Variants in DERA observed in about 807,000 individuals in gnomAD.
The protein encoded by DERA is deoxyribose-phosphate aldolase.
In DERA, 15 loss-of-function variants were observed where a neutral mutation model predicts 41.1. That is an observed-to-expected ratio of 0.37 (90% CI 0.24 to 0.56). The LOEUF is 0.56. DERA is among the 20% of genes least tolerant of loss of function. The pLI, the probability that DERA is intolerant of heterozygous loss-of-function variation, is 0.81. For synonymous variants in DERA, 139 were observed against 137.4 expected (o/e 1.01, Z -0.08); for missense variants, 396 against 403.4 (o/e 0.98, Z 0.16).
In DERA at chr12:15,938,013, C is replaced by T. The variant is rs1212090255; in HGVS notation, c.32-18923C>T. 3.3e-5 allele frequency among the ~76,000 whole-genome samples: 5 copies of T among 152,188 alleles called. No homozygotes were observed. The highest frequency in any genetic ancestry group is 1.2e-4 in the African/African-American group (5 of 41,450). Reference sequence around the variant, plus strand: ...GGAAGCTCTAATATCTTGTTGGCAACATCCAAGTAAATAATTCAACTATCA... The same window carrying T: ...GGAAGCTCTAATATCTTGTTGGCAATATCCAAGTAAATAATTCAACTATCA... On this transcript the variant is annotated intron_variant, in intron 1 of 8. Transcript: ENST00000428559. This position sits in a 1 kb window ranked among gnomAD's most constrained non-coding sequence, Gnocchi z 4.1.
rs567727805 is a variant in DERA at position 16,003,066 on chromosome 12, A to C, written c.637+20630A>C. On this transcript the variant is annotated intron_variant, in intron 6 of 8. Coordinates refer to ENST00000428559, the MANE Select transcript of DERA (RefSeq NM_015954.4). The surrounding 1 kb of genome is among the most constrained non-coding windows in gnomAD (Gnocchi z 4.8). ...GTTCTGAGGGTTAGAAGTCTGAGAT[A>C]AGGTGTGAGCAGGGTTAGTTCCTTC... is the stretch of plus-strand genomic sequence containing the variant. 1.3e-5 allele frequency among the ~76,000 whole-genome samples: 2 copies of C among 152,290 alleles called. No homozygotes were observed. The highest frequency in any genetic ancestry group is 1.3e-4 in the Admixed American group (2 of 15,296).
Position 15,941,346 on chromosome 12 carries a change from G to A in DERA, c.32-15590G>A, listed in dbSNP as rs1244286210. 6.6e-5 allele frequency among the ~76,000 whole-genome samples: 10 copies of A among 152,104 alleles called. No individual in the cohort carries two copies. The highest frequency in any genetic ancestry group is 1.0e-4 in the Non-Finnish European group (7 of 68,022). On this transcript the variant is annotated intron_variant, in intron 1 of 8. Transcript: ENST00000428559. The surrounding 1 kb of genome is among the most constrained non-coding windows in gnomAD (Gnocchi z 4.5). ...ATACTTCTCCTACTGCCACCCAAGA[G>A]TAGAAGGACTTAGCCGTCTGTAGCC... is the stretch of plus-strand genomic sequence containing the variant.
chr12:15,946,345 A>G (rs1948448594), intron 1 of DERA, among the ~76,000 whole-genome samples: 2 of 152,160 alleles, frequency 1.3e-5, no homozygotes, highest in South Asian at 4.1e-4. Context: ...TCGGCTGTGA[A>G]TCTGTCTGGT....
Position 15,958,200 on chromosome 12 carries a change from C to T in DERA, c.142C>T (p.Leu48=), listed in dbSNP as rs764423138. 5 of 1,563,172 alleles carry T rather than the reference C, an allele frequency of 3.2e-6. No homozygotes were observed. In the Admixed American group the frequency reaches 1.0e-4, roughly 31 times the overall value. ...TTGTTTAAACCAGGCTGCTTGGCTCCTGAAAGCTGTTACCTTTATAGATCT... is the reference window on the plus strand; with the variant it reads ...TTGTTTAAACCAGGCTGCTTGGCTCTTGAAAGCTGTTACCTTTATAGATCT... ...VKKEWQAAWL[L]KAVTFIDLTT... is the part of the protein sequence containing the mutation. The change falls in exon 3 of 9, where the codon CTG becomes TTG. Residue 48 remains leucine, a synonymous_variant. Coordinates refer to ENST00000428559, the MANE Select transcript of DERA (RefSeq NM_015954.4).
At chr12:15,920,309 G>A (rs1948233467) in intron 1 of DERA, among the ~76,000 whole-genome samples, 1 of 152,138 alleles carries the variant, frequency 6.6e-6, no homozygotes, top group Admixed American at 6.5e-5. Flanking sequence ...TTCTGTTGTG[G>A]GTAAGAAAAC....
intron 6 of DERA, among the ~76,000 whole-genome samples, chr12:16,018,044 A>T (rs7315068): frequency 0.099 from 15,081 of 152,172 alleles, 2,295 homozygotes; most frequent in African/African-American, 0.32. Context: ...ACTTCCTATA[A>T]CATAAATAAG....
intron 6 of DERA, among the ~76,000 whole-genome samples, chr12:16,015,023 C>T (rs1948971853): frequency 6.6e-6 from 1 of 152,210 alleles, no homozygotes; most frequent in East Asian, 1.9e-4. Context: ...ATTGTATTTA[C>T]AATGCCTGTA....
intron 6 of DERA, among the ~76,000 whole-genome samples, chr12:16,022,554 G>T (rs1006574583): frequency 2.0e-5 from 3 of 152,080 alleles, no homozygotes; most frequent in African/African-American, 7.2e-5. Flanking sequence ...GATATTTAAG[G>T]ACTTCCAGTT....
chr12:16,022,273 G>A (rs1260508272), intron 6 of DERA, among the ~76,000 whole-genome samples: 1 of 152,162 alleles, frequency 6.6e-6, no homozygotes, highest in East Asian at 1.9e-4. Context: ...CTCTTGCCAT[G>A]TGACATGTGT....
At chr12:15,934,066 C>G (rs1476354007) in intron 1 of DERA, among the ~76,000 whole-genome samples, 2 of 152,132 alleles carry the variant, frequency 1.3e-5, no homozygotes, top group Non-Finnish European at 2.9e-5. Flanking sequence ...AATAAAGTGC[C>G]TGGTGGAGTT....
chr12:15,915,029 G>A lies in DERA; in HGVS notation c.31+3615G>A, dbSNP rs1411048223. ...TTATTTTAAGAAGCACATTTATTTA[G>A]GTAGTTATTGAGTACCAATCTGTAC... On this transcript the variant is annotated intron_variant, in intron 1 of 8. Coordinates refer to ENST00000428559, the MANE Select transcript of DERA (RefSeq NM_015954.4). This position sits in a 1 kb window ranked among gnomAD's most constrained non-coding sequence, Gnocchi z 4.8. 1.3e-5 allele frequency among the ~76,000 whole-genome samples: 2 copies of A among 152,152 alleles called. No individual in the cohort carries two copies. The highest frequency in any genetic ancestry group is 2.4e-5 in the African/African-American group (1 of 41,424).
rs1184450491 is a variant in DERA, at chr12:15,989,267, C to A, written c.637+6831C>A. Among the ~76,000 whole-genome samples the A allele has an allele frequency of 6.6e-6, 1 of 152,250 alleles. No homozygotes were observed. The highest frequency in any genetic ancestry group is 1.5e-5 in the Non-Finnish European group (1 of 68,048). On this transcript the variant is annotated intron_variant, in intron 6 of 8. Transcript: ENST00000428559. This position sits in a 1 kb window ranked among gnomAD's most constrained non-coding sequence, Gnocchi z 5.2. ...CCTCCCCCGCTGCAACTGGCATCCC[C>A]ACGGTGGCTGCTCCAGACAGGCCAC...
At chr12:16,018,404 A>G (rs1948998130) in intron 6 of DERA, among the ~76,000 whole-genome samples, 1 of 152,214 alleles carries the variant, frequency 6.6e-6, no homozygotes. Context: ...ACGAATCATG[A>G]GGACAATGCA....
intron 6 of DERA, among the ~76,000 whole-genome samples, chr12:15,986,843 G>A (rs1948767365): frequency 6.6e-6 from 1 of 152,084 alleles, no homozygotes; most frequent in Admixed American, 6.6e-5. Context: ...ACTTCCCTGG[G>A]TATTTTTTGC....
chr12:15,938,405 C>G lies in DERA; in HGVS notation c.32-18531C>G, dbSNP rs1948386945. Among the ~76,000 whole-genome samples, 1 of 152,126 alleles carries G rather than the reference C, an allele frequency of 6.6e-6. No individual in the cohort carries two copies. The highest frequency in any genetic ancestry group is 1.9e-4 in the East Asian group (1 of 5,200). Reference sequence around the variant, plus strand: ...ATTCATTCTAACACTAAAATATACTCATGTACATCAAAGCCAAAAAATGTA... The same window carrying G: ...ATTCATTCTAACACTAAAATATACTGATGTACATCAAAGCCAAAAAATGTA... On this transcript the variant is annotated intron_variant, in intron 1 of 8. Coordinates refer to ENST00000428559, the MANE Select transcript of DERA (RefSeq NM_015954.4). This position sits in a 1 kb window ranked among gnomAD's most constrained non-coding sequence, Gnocchi z 4.1.
chr12:15,962,740 C>A (rs1948596262), intron 4 of DERA, 73 bp from the exon 5 acceptor site: 1 of 1,334,998 alleles, frequency 7.5e-7, no homozygotes, highest in Admixed American at 2.5e-5. Context: ...AATTTGTTTT[C>A]CCCTCCCCCC....
intron 1 of DERA, among the ~76,000 whole-genome samples, chr12:15,932,492 A>G (rs1325456908): frequency 6.6e-6 from 1 of 152,102 alleles, no homozygotes; most frequent in Non-Finnish European, 1.5e-5. Flanking sequence ...TCCATAAAAA[A>G]TACAAAAATT....
At position 16,012,749 on chromosome 12, in the gene DERA, T is replaced by C. The variant is rs749707705; in HGVS notation, c.638-19793T>C. Among the ~76,000 whole-genome samples, 1 of 152,220 alleles carries C rather than the reference T, an allele frequency of 6.6e-6. No homozygotes were observed. Among genetic ancestry groups the C allele is most frequent in the Non-Finnish European group, 1.5e-5 (1 of 68,034 alleles). ...AGTGATTACATGTTTTGGTGTCTCA[T>C]TGAAGCTCTGTAAAAATGCTGTTGA... On this transcript the variant is annotated intron_variant, in intron 6 of 8. Transcript: ENST00000428559. The surrounding 1 kb of genome is among the most constrained non-coding windows in gnomAD (Gnocchi z 4.1).
In DERA at chr12:15,981,847, A is replaced by G. The variant is rs1333622205; in HGVS notation, c.509-461A>G. ...GCTGTGTCTTTATTGTCATGAACAT[A>G]ACTCTCAAGAAAGGTGTGCTTTATA... is the stretch of plus-strand genomic sequence containing the variant. On this transcript the variant is annotated intron_variant, in intron 5 of 8. Transcript: ENST00000428559. This position sits in a 1 kb window ranked among gnomAD's most constrained non-coding sequence, Gnocchi z 6.1. Among the ~76,000 whole-genome samples, 2 of 122,296 alleles carry G rather than the reference A, an allele frequency of 1.6e-5. No homozygotes were observed. Among genetic ancestry groups the G allele is most frequent in the African/African-American group, 6.4e-5 (2 of 31,220 alleles). 80.2% of individuals were successfully genotyped at this position (122,296 alleles called of 152,430 possible).
Sources: allele counts gnomAD v4.1 joint callset (sites outside exome capture counted in the v4.1 genomes callset), GRCh38; gene constraint gnomAD v4.1.1; non-coding constraint Gnocchi (gnomAD v3.1); transcripts MANE v1.5; gene names NCBI Gene and HGNC (gene_info 2026-07-23, HGNC 2026-07-21).